Variants in PITPNM2 observed in about 807,000 individuals in gnomAD.
The protein encoded by PITPNM2 is membrane-associated phosphatidylinositol transfer protein 2.
A neutral mutation model predicts 132.2 loss-of-function variants in PITPNM2; 35 were observed. The observed-to-expected ratio is 0.26, with a 90% CI of 0.20 to 0.35. The LOEUF (loss-of-function observed/expected upper bound fraction) is 0.35, where lower values mean the gene tolerates loss of function less well. Ranked by LOEUF, PITPNM2 falls within the 10% of genes least tolerant of loss-of-function variation. The pLI, the probability that PITPNM2 is intolerant of heterozygous loss-of-function variation, is 1.00. For missense variants in PITPNM2, 1,332 were observed against 1,912.0 expected, an observed-to-expected ratio of 0.70 and a Z score of 5.66; for synonymous variants, 738 against 799.2, an observed-to-expected ratio of 0.92 and a Z score of 1.29.
Position 122,992,347 on chromosome 12 carries a change from C to T in PITPNM2, c.2404+152G>A, listed in dbSNP as rs770076615. ...GGAGGGATGCACCACCCCCACCCCC[C>T]ACCCCCAACAGCTGTCCACCTCCAA... On this transcript the variant is annotated intron_variant, in intron 16 of 25. Transcript: ENST00000320201. The surrounding 1 kb of genome is among the most constrained non-coding windows in gnomAD (Gnocchi z 6.5). 2.6e-6 allele frequency: 1 copy of T among 379,392 alleles called. No individual in the cohort carries two copies. Among genetic ancestry groups the T allele is most frequent in the Non-Finnish European group, 4.9e-6 (1 of 205,876 alleles). 23.5% of individuals were successfully genotyped at this position (379,392 alleles called of 1,614,324 possible). A position where few individuals can be genotyped will look rare whatever the true frequency, so the allele number is the denominator to read the frequency against.
chr12:123,037,773 T>A (rs2040327142), intron 2 of PITPNM2, among the ~76,000 whole-genome samples: 1 of 152,164 alleles, frequency 6.6e-6, no homozygotes, highest in African/African-American at 2.4e-5. Flanking sequence ...CTTAAATGTC[T>A]CCATCACCTC....
rs2038596910 is a variant in PITPNM2 at position 123,000,166 on chromosome 12, G to GCGGT, written c.1224+608_1224+611dup. 5.4e-6 allele frequency: 3 copies of GCGGT among 559,388 alleles called. No homozygotes were observed. Among genetic ancestry groups the GCGGT allele is most frequent in the Non-Finnish European group, 9.5e-6 (3 of 314,710 alleles). 34.7% of individuals were successfully genotyped at this position (559,388 alleles called of 1,614,324 possible). A position where few individuals can be genotyped will look rare whatever the true frequency, so the allele number is the denominator to read the frequency against. ...TTAGGTAGCTTGAGGCCAGAGCAGT[G>GCGGT]CGGTGACCGCAGGTGATGGTGGGAC... is the stretch of plus-strand genomic sequence containing the variant. On this transcript the variant is annotated intron_variant, in intron 10 of 25. Coordinates refer to ENST00000320201, the MANE Select transcript of PITPNM2 (RefSeq NM_020845.3). The surrounding 1 kb of genome is among the most constrained non-coding windows in gnomAD (Gnocchi z 5.4).
rs377704467 is a variant in PITPNM2, at chr12:123,004,388, G to A, written c.1048+6C>T. 1.9e-5 allele frequency: 31 copies of A among 1,613,498 alleles called. No individual in the cohort carries two copies. The highest frequency in any genetic ancestry group is 2.4e-5 in the Non-Finnish European group (28 of 1,179,914). ...CCCCAAGGACTGCAGAGCGCTGCCTGCCTACCGTGCGCATCGAAGAACTCA... is the reference window on the plus strand; with the variant it reads ...CCCCAAGGACTGCAGAGCGCTGCCTACCTACCGTGCGCATCGAAGAACTCA... On this transcript the variant is annotated splice_donor_region_variant and intron_variant, in intron 8 of 25. Coordinates refer to ENST00000320201, the MANE Select transcript of PITPNM2 (RefSeq NM_020845.3). This position sits in a 1 kb window ranked among gnomAD's most constrained non-coding sequence, Gnocchi z 4.9.
Position 123,034,683 on chromosome 12 carries a change from C to G in PITPNM2, c.-93G>C. 9.4e-7 allele frequency: 1 copy of G among 1,066,954 alleles called. No individual in the cohort carries two copies. Among genetic ancestry groups the G allele is most frequent in the Non-Finnish European group, 1.5e-6 (1 of 688,884 alleles). The allele number at this position is 1,066,954 out of a possible 1,614,324, so 66.1% of individuals were successfully genotyped here. On this transcript the variant is annotated splice_region_variant and 5_prime_UTR_variant, in exon 3 of 26. Transcript: ENST00000320201. ...TAACCATGACAAAATTCACCAAGGA[C>G]CCCTGGGAGACAGAGAGGACAGAAC...
chr12:123,052,764 T>C (rs968968370), intron 2 of PITPNM2, among the ~76,000 whole-genome samples: 5 of 150,026 alleles, frequency 3.3e-5, no homozygotes, highest in African/African-American at 1.2e-4. Flanking sequence ...TTGAATGAAA[T>C]TTGCTAATAT....
chr12:123,009,908 C>T lies in PITPNM2; in HGVS notation c.585G>A (p.Lys195=), dbSNP rs1365994348. 6.2e-7 allele frequency: 1 copy of T among 1,614,214 alleles called. No homozygotes were observed. The highest frequency in any genetic ancestry group is 8.5e-7 in the Non-Finnish European group (1 of 1,180,034). Residue 195 remains lysine, a synonymous_variant, in exon 6 of 26, where the codon AAG becomes AAA. Transcript: ENST00000320201. This position sits in a 1 kb window ranked among gnomAD's most constrained non-coding sequence, Gnocchi z 4.8. ...GCATGCCCCAGTAGCGGAACTCCAC[C>T]TTGCAGAGCTTGTATGCGCACATGA... ...FPIMCAYKLC[K]VEFRYWGMQS...
intron 1 of PITPNM2, among the ~76,000 whole-genome samples, chr12:123,134,141 C>T (rs1197774946): frequency 6.6e-6 from 1 of 152,200 alleles, no homozygotes; most frequent in Non-Finnish European, 1.5e-5. Context: ...TCTTGGCTCA[C>T]TGCAACCTCC....
At chr12:123,039,625 G>A (rs1014313522) in intron 2 of PITPNM2, among the ~76,000 whole-genome samples, 1 of 152,168 alleles carries the variant, frequency 6.6e-6, no homozygotes, top group Non-Finnish European at 1.5e-5. Flanking sequence ...CTACAATGGC[G>A]GATGCATGTC....
intron 2 of PITPNM2, among the ~76,000 whole-genome samples, chr12:123,054,876 C>T (rs1341869485): frequency 6.6e-6 from 1 of 152,270 alleles, no homozygotes; most frequent in East Asian, 1.9e-4. Context: ...TCAGCCTAGA[C>T]AACACAGTGA....
At chr12:123,052,265 GGTTT>G (rs1473743884) in intron 2 of PITPNM2, among the ~76,000 whole-genome samples, 1 of 151,850 alleles carries the variant, frequency 6.6e-6, no homozygotes, top group Non-Finnish European at 1.5e-5. Context: ...ATAGACAGCG[GGTTT>G]GTTTGTTTCC....
chr12:122,997,640 C>T, intron 10 of PITPNM2, 68 bp from the exon 11 acceptor site: 1 of 1,564,452 alleles, frequency 6.4e-7, no homozygotes, highest in South Asian at 1.2e-5. Context: ...CCCTCTGTCA[C>T]CCTTGTTGGG....
At chr12:123,001,226 G>A in intron 8 of PITPNM2, 68 bp from the exon 9 acceptor site, 1 of 1,253,304 alleles carries the variant, frequency 8.0e-7, no homozygotes, top group Non-Finnish European at 1.2e-6. Flanking sequence ...CCCGAGGTGG[G>A]GACGCCCCTG....
chr12:123,084,029 C>T lies in PITPNM2; in HGVS notation c.-96+26356G>A, dbSNP rs1593001348. On this transcript the variant is annotated intron_variant, in intron 2 of 25. Transcript: ENST00000320201. ...CCTGCTGGCAGCTCCTGCTCCATGA[C>T]AGGGACCCTTGAGGGCCTGCTGAGA... The T allele has an allele frequency of 3.3e-5, 5 of 152,426 alleles. No individual in the cohort carries two copies. The South Asian group carries it at 1.0e-3, about 32-fold the overall frequency. The allele number at this position is 152,426 out of a possible 1,614,324, so 9.4% of individuals were successfully genotyped here. A position where few individuals can be genotyped will look rare whatever the true frequency, so the allele number is the denominator to read the frequency against.
chr12:123,100,598 G>A (rs2042540987), intron 2 of PITPNM2, among the ~76,000 whole-genome samples: 2 of 151,606 alleles, frequency 1.3e-5, no homozygotes, highest in Admixed American at 1.3e-4. Context: ...TGCACTCCAG[G>A]CTGGGCAACA....
chr12:123,130,583 A>G (rs2043241711), intron 1 of PITPNM2, among the ~76,000 whole-genome samples: 1 of 152,198 alleles, frequency 6.6e-6, no homozygotes, highest in South Asian at 2.1e-4. Context: ...GATCAAGACC[A>G]TCCTGGCTAA....
chr12:123,129,004 G>A (rs1167602390), intron 1 of PITPNM2, among the ~76,000 whole-genome samples: 3 of 151,996 alleles, frequency 2.0e-5, no homozygotes, highest in Admixed American at 2.0e-4. Context: ...GTGTGGTGGT[G>A]GGCACCTGTA....
rs2038346180 is a variant in PITPNM2, at chr12:122,994,749, GC to G, written c.2233+51del. 4 of 1,510,304 alleles carry G rather than the reference GC, an allele frequency of 2.6e-6. No homozygotes were observed. The highest frequency in any genetic ancestry group is 2.7e-6 in the Non-Finnish European group (3 of 1,119,210). 93.6% of individuals were successfully genotyped at this position (1,510,304 alleles called of 1,614,324 possible). ...ATCACAGGGGTCCACTGAGACCCCC[GC>G]CCCCGCACCCAGTGCATGTACCCCC... On this transcript the variant is annotated intron_variant, in intron 15 of 25. Transcript: ENST00000320201. This position sits in a 1 kb window ranked among gnomAD's most constrained non-coding sequence, Gnocchi z 5.4.
intron 2 of PITPNM2, among the ~76,000 whole-genome samples, chr12:123,103,425 C>T (rs988232839): frequency 1.3e-5 from 2 of 152,236 alleles, no homozygotes; most frequent in Admixed American, 6.5e-5. Context: ...GGCCTGACAT[C>T]GTCAAGACTG....
intron 2 of PITPNM2, among the ~76,000 whole-genome samples, chr12:123,051,548 C>T (rs139545673): frequency 2.6e-4 from 39 of 152,298 alleles, no homozygotes; most frequent in African/African-American, 9.1e-4. Context: ...CTCAACTTTG[C>T]CTTTTATTTA....
Sources: allele counts gnomAD v4.1 joint callset (sites outside exome capture counted in the v4.1 genomes callset), GRCh38; gene constraint gnomAD v4.1.1; non-coding constraint Gnocchi (gnomAD v3.1); transcripts MANE v1.5; gene names NCBI Gene and HGNC (gene_info 2026-07-23, HGNC 2026-07-21).